The following HEY1 variants were observed in gnomAD, a reference collection of about 807,000 sequenced individuals.
The protein encoded by HEY1 is hairy/enhancer-of-split related with YRPW motif protein 1.
HEY1 carries 9 observed loss-of-function variants against 28.7 expected under a neutral mutation model. That is an observed-to-expected ratio of 0.31 (90% CI 0.19 to 0.55). The LOEUF (loss-of-function observed/expected upper bound fraction) is 0.55. HEY1 is among the 20% of genes least tolerant of loss of function. The probability of loss-of-function intolerance (pLI) is 0.93; values close to 1 mark genes in which losing one functional copy is unlikely to be tolerated. For synonymous variants in HEY1, 213 were observed against 175.6 expected (o/e 1.21, Z -1.68); for missense variants, 385 against 399.4 (o/e 0.96, Z 0.31).
At position 79,767,201 on chromosome 8, in the gene HEY1, G is replaced by A. The variant is rs777302485; in HGVS notation, c.165+18C>T. The A allele has an allele frequency of 1.1e-5, 18 of 1,601,554 alleles. No homozygotes were observed. In the East Asian group the frequency reaches 3.8e-4, roughly 34 times the overall value. ...TTAATCAATAACAAAAATAAAAGGA[G>A]AGTGTAAAGAGACTCACTCCTCTCC... On this transcript the variant is annotated intron_variant, in intron 2 of 4. Coordinates refer to ENST00000354724, the MANE Select transcript of HEY1 (RefSeq NM_012258.4).
Position 79,767,686 on chromosome 8 carries a change from G to A in HEY1, c.-23C>T, listed in dbSNP as rs763782031. The A allele has an allele frequency of 7.0e-6, 11 of 1,566,430 alleles. No homozygotes were observed. The highest frequency in any genetic ancestry group is 1.2e-5 in the South Asian group (1 of 85,678). On this transcript the variant is annotated 5_prime_UTR_variant, in exon 1 of 5. Transcript: ENST00000354724. ...CATGCTGGCTCCCTGGGGGTTCCTG[G>A]GGAGGGTCGGCGCGGCGGGCAGGGA...
chr8:79,766,055 T>C, intron 4 of HEY1: 2 of 681,006 alleles, frequency 2.9e-6, no homozygotes, highest in Non-Finnish European at 4.6e-6. Context: ...ATGTTTTCCC[T>C]CAACAACAAC....
chr8:79,766,067 A>AC (rs938937080), intron 4 of HEY1: 10 of 746,584 alleles, frequency 1.3e-5, no homozygotes, highest in Non-Finnish European at 1.7e-5. Context: ...AACAACAACA[A>AC]AAAATACATC....
At position 79,765,561 on chromosome 8, in the gene HEY1, C is replaced by T. The variant is rs780733396; in HGVS notation, c.542G>A (p.Gly181Glu). 2 of 1,614,102 alleles carry T rather than the reference C, an allele frequency of 1.2e-6. No individual in the cohort carries two copies. Among genetic ancestry groups the T allele is most frequent in the Non-Finnish European group, 1.7e-6 (2 of 1,180,044 alleles). Residue 181 changes from glycine to glutamate, a missense_variant, in exon 5 of 5, where the codon GGG becomes GAG. Around this residue, in one of 3 missense-constraint regions of HEY1, gnomAD observed 223 missense variants for 215.9 expected, o/e 1.03. Coordinates refer to ENST00000354724, the MANE Select transcript of HEY1 (RefSeq NM_012258.4). ...AHAGLGHIPW[G>E]TVFGHHPHIA... The stretch of plus-strand genomic sequence containing the variant: ...GTGCGGGTGATGTCCGAAGACGGTC[C>T]CCCAGGGAATGTGTCCGAGGCCCGC...
chr8:79,767,254 A>C lies in HEY1; in HGVS notation c.130T>G (p.Ser44Ala). The C allele has an allele frequency of 6.2e-7, 1 of 1,614,060 alleles. No individual in the cohort carries two copies. The highest frequency in any genetic ancestry group is 8.5e-7 in the Non-Finnish European group (1 of 1,179,938). ...SALGSMSPTT[S>A]SQILARKRRR... ...CTTTTTCTGGCCAAAATCTGGGAAG[A>C]TGTAGTTGGGGACATGGAACCTAGA... Residue 44 changes from serine to alanine, a missense_variant, in exon 2 of 5, where the codon TCT becomes GCT. Physicochemically the swap from Ser to Ala is moderately conservative, Grantham distance 99 (BLOSUM62 1). Transcript: ENST00000354724.
In HEY1 at chr8:79,764,696, G is replaced by A. The variant is rs561876505; in HGVS notation, c.*492C>T. ...CAATATAGTTCCCCTCCCCCCAAAA[G>A]AATATTATTTATACAACACCTTAAT... On this transcript the variant is annotated 3_prime_UTR_variant, in exon 5 of 5. Transcript: ENST00000354724. 2.3e-5 allele frequency: 5 copies of A among 221,472 alleles called. No homozygotes were observed. Among genetic ancestry groups the A allele is most frequent in the South Asian group, 3.7e-4 (2 of 5,434 alleles). 13.7% of individuals were successfully genotyped at this position (221,472 alleles called of 1,614,324 possible).
At position 79,765,253 on chromosome 8, in the gene HEY1, G is replaced by T; in HGVS notation, c.850C>A (p.Pro284Thr). 6.4e-7 allele frequency: 1 copy of T among 1,554,320 alleles called. No individual in the cohort carries two copies. Among genetic ancestry groups the T allele is most frequent in the Non-Finnish European group, 8.7e-7 (1 of 1,148,044 alleles). The part of the protein sequence containing the change: ...LSPNALSPSA[P>T]TQAANLGKPY... Reference sequence around the variant, plus strand: ...TTGCCAAGGTTTGCAGCCTGCGTGGGTGCTGAAGGGCTCAGTGCATTGGGA... The same window carrying T: ...TTGCCAAGGTTTGCAGCCTGCGTGGTTGCTGAAGGGCTCAGTGCATTGGGA... The change falls in exon 5 of 5, where the codon CCC (proline) becomes ACC (threonine). Residue 284 changes from proline to threonine, a missense_variant. Coordinates refer to ENST00000354724, the MANE Select transcript of HEY1 (RefSeq NM_012258.4).
At position 79,765,598 on chromosome 8, in the gene HEY1, T is replaced by G; in HGVS notation, c.505A>C (p.Ser169Arg). The change falls in exon 5 of 5, where the codon AGC becomes CGC. Residue 169 changes from serine (S) to arginine (R), a missense_variant. Ser to Arg is a moderately radical substitution (Grantham distance 110). This residue lies in a region of HEY1 where 223 missense variants were observed against 215.9 expected (regional missense o/e 1.03). Coordinates refer to ENST00000354724, the MANE Select transcript of HEY1 (RefSeq NM_012258.4). ...TGTCCGAGGCCCGCGTGGGCGCCGC[T>G]CGCGGCTTCCCGCTGGGAAGCGTAG... ...NNYASQREAA[S>R]GAHAGLGHIP... is the part of the protein sequence containing the mutation. 1 of 1,614,100 alleles carries G rather than the reference T, an allele frequency of 6.2e-7. No individual in the cohort carries two copies.
In HEY1 at chr8:79,765,335, G is replaced by T; in HGVS notation, c.768C>A (p.Ser256=). 6.4e-7 allele frequency: 1 copy of T among 1,572,586 alleles called. No homozygotes were observed. Among genetic ancestry groups the T allele is most frequent in the Non-Finnish European group, 8.6e-7 (1 of 1,158,458 alleles). ...SASKLSPPLL[S]SVASLSAFPF... is the part of the protein sequence containing the mutation. ...GGAAGGCCGACAGGGAGGCCACTGA[G>T]GAGAGCAGAGGCGGCGACAGTTTGG... Residue 256 remains serine, a synonymous_variant, in exon 5 of 5, where the codon TCC becomes TCA. Coordinates refer to ENST00000354724, the MANE Select transcript of HEY1 (RefSeq NM_012258.4).
chr8:79,767,386 C>CA, intron 1 of HEY1, 92 bp from the exon 2 acceptor site: 2 of 1,273,888 alleles, frequency 1.6e-6, no homozygotes, highest in South Asian at 2.7e-5. Context: ...TCCCCGCACT[C>CA]AGACTTTTTT....
chr8:79,766,509 G>T, intron 4 of HEY1, 142 bp downstream of exon 4: 1 of 1,513,746 alleles, frequency 6.6e-7, no homozygotes, highest in South Asian at 1.3e-5. Context: ...AAAATGTACT[G>T]ACAGGGAACT....
intron 3 of HEY1, 115 bp from the exon 4 acceptor site, chr8:79,766,847 A>G (rs1401848112): frequency 2.3e-6 from 3 of 1,311,550 alleles, no homozygotes; most frequent in Non-Finnish European, 1.1e-6. Context: ...AGCATGGACT[A>G]AAGCAAAATC....
intron 1 of HEY1, 82 bp downstream of exon 1, chr8:79,767,493 G>A (rs898265708): frequency 2.9e-6 from 4 of 1,390,360 alleles, no homozygotes; most frequent in Admixed American, 2.0e-5. Flanking sequence ...GGCGCGCCAA[G>A]GGTCCTAGCC....
Position 79,767,250 on chromosome 8 carries a change from G to A in HEY1, c.134C>T (p.Ser45Phe), listed in dbSNP as rs1269056292. 6.2e-7 allele frequency: 1 copy of A among 1,613,888 alleles called. No homozygotes were observed. The highest frequency in any genetic ancestry group is 8.5e-7 in the Non-Finnish European group (1 of 1,179,950). Residue 45 changes from serine (S) to phenylalanine (F), a missense_variant, in exon 2 of 5, where the codon TCC (serine) becomes TTC (phenylalanine). Physicochemically the swap from Ser to Phe is radical, Grantham distance 155. Coordinates refer to ENST00000354724, the MANE Select transcript of HEY1 (RefSeq NM_012258.4). ...CCGTCTTTTTCTGGCCAAAATCTGG[G>A]AAGATGTAGTTGGGGACATGGAACC... ...ALGSMSPTTS[S>F]QILARKRRRG...
At chr8:79,766,984 G>A (rs377726456) in intron 3 of HEY1, 25 bp downstream of exon 3, 2 of 1,588,868 alleles carry the variant, frequency 1.3e-6, no homozygotes, top group Non-Finnish European at 1.7e-6. Flanking sequence ...GCTATGCTGA[G>A]AGCTTTACCT....
At position 79,765,473 on chromosome 8, in the gene HEY1, GGGT is replaced by G; in HGVS notation, c.627_629del (p.Pro210del). On this transcript the variant is annotated inframe_deletion, in exon 5 of 5. Coordinates refer to ENST00000354724, the MANE Select transcript of HEY1 (RefSeq NM_012258.4). ...GCCTGCCCTGGTGGTGCGGTTCCGT[GGGT>G]GAGGCCGTGGTGCCCGCGTTCCCGT... 4 of 1,613,420 alleles carry G rather than the reference GGGT, an allele frequency of 2.5e-6. 1 individual carries two copies. The South Asian group carries it at 4.4e-5, about 18-fold the overall frequency.
At chr8:79,766,599 T>G in intron 4 of HEY1, 52 bp downstream of exon 4, 1 of 1,610,280 alleles carries the variant, frequency 6.2e-7, no homozygotes, top group South Asian at 1.1e-5. Context: ...CTTCAGCCGC[T>G]GCTCACTCTT....
intron 4 of HEY1, 81 bp downstream of exon 4, chr8:79,766,570 C>T: frequency 6.3e-7 from 1 of 1,597,464 alleles, no homozygotes; most frequent in Non-Finnish European, 8.5e-7. Flanking sequence ...AATCAGGCAG[C>T]TACTGCACCA....
At chr8:79,767,476 G>A (rs939821295) in intron 1 of HEY1, 99 bp downstream of exon 1, 4 of 1,275,108 alleles carry the variant, frequency 3.1e-6, no homozygotes, top group Non-Finnish European at 4.4e-6. Flanking sequence ...GGTCAGCGCA[G>A]GGCACCGGCG....
Sources: gnomAD v4.1 joint callset for allele counts on GRCh38, gnomAD v4.1.1 for gene constraint, gnomAD v4.1.1 regional missense constraint, MANE v1.5 for transcripts, NCBI Gene and HGNC (gene_info 2026-07-23, HGNC 2026-07-21) for gene names.